The following GRIN2B variants were observed in gnomAD, a reference collection of about 807,000 sequenced individuals.
GRIN2B encodes glutamate ionotropic receptor NMDA type subunit 2B, also known as glutamate receptor ionotropic, NMDA 2B.
Under a neutral mutation model 114.5 loss-of-function variants are expected in GRIN2B, and 5 were observed. The observed-to-expected ratio is 0.04, with a 90% CI of 0.02 to 0.09. The LOEUF is 0.09. Ranked by LOEUF, GRIN2B falls within the 10% of genes least tolerant of loss-of-function variation. The probability of loss-of-function intolerance (pLI) is 1.00; values close to 1 mark genes in which losing one functional copy is unlikely to be tolerated. For synonymous variants in GRIN2B, 787 were observed against 745.1 expected (o/e 1.06, Z -0.92); for missense variants, 1,108 against 1,943.5 (o/e 0.57, Z 8.08).
intron 3 of GRIN2B, among the ~76,000 whole-genome samples, chr12:13,755,517 T>G (rs1863561474): frequency 6.6e-6 from 1 of 152,146 alleles, no homozygotes; most frequent in Non-Finnish European, 1.5e-5. Context: ...AAGATACAGT[T>G]GAAGAGGAGC....
chr12:13,753,566 T>C lies in GRIN2B; in HGVS notation c.761A>G (p.Tyr254Cys), dbSNP rs1349497126. The C allele has an allele frequency of 1.9e-6, 3 of 1,614,070 alleles. No homozygotes were observed. Among genetic ancestry groups the C allele is most frequent in the Non-Finnish European group, 2.5e-6 (3 of 1,180,008 alleles). ...CACCAGACTGGGCACGATCCACGTGTAGCCATAGCCAGTCAGCCCTACTGA... is the reference window on the plus strand; with the variant it reads ...CACCAGACTGGGCACGATCCACGTGCAGCCATAGCCAGTCAGCCCTACTGA... ...ANSVGLTGYG[Y>C]TWIVPSLVAG... Residue 254 changes from tyrosine (Y) to cysteine (C), a missense_variant, in exon 4 of 14, where the codon TAC (tyrosine) becomes TGC (cysteine). Coordinates refer to ENST00000609686, the MANE Select transcript of GRIN2B (RefSeq NM_000834.5). This position sits in a 1 kb window ranked among gnomAD's most constrained non-coding sequence, Gnocchi z 6.2.
chr12:13,825,279 G>C (rs1307236898), intron 3 of GRIN2B, among the ~76,000 whole-genome samples: 1 of 151,598 alleles, frequency 6.6e-6, no homozygotes, highest in Non-Finnish European at 1.5e-5. Flanking sequence ...AACACATTTT[G>C]TATAATTTCA....
intron 3 of GRIN2B, among the ~76,000 whole-genome samples, chr12:13,762,700 T>G (rs1485984406): frequency 6.6e-6 from 1 of 152,198 alleles, no homozygotes. Flanking sequence ...CACATGGGCC[T>G]CTTCAAGGGA....
intron 3 of GRIN2B, among the ~76,000 whole-genome samples, chr12:13,825,496 T>TTTTTTTTTTGTGTGTG (rs375940899): frequency 1.5e-4 from 18 of 122,994 alleles, no homozygotes; most frequent in African/African-American, 5.3e-4. Flanking sequence ...TATATATATT[T>TTTTTTTTTTGTGTGTG]TGTGTGTGTG....
intron 4 of GRIN2B, among the ~76,000 whole-genome samples, chr12:13,711,349 A>G (rs922420464): frequency 6.6e-5 from 10 of 152,188 alleles, no homozygotes; most frequent in Non-Finnish European, 1.5e-4. Flanking sequence ...CACCAAAAGC[A>G]ATGGCAACAA....
rs375758048 is a variant in GRIN2B, at chr12:13,839,795, C to T, written c.411+26003G>A. Among the ~76,000 whole-genome samples, 159 of 152,260 alleles carry T rather than the reference C, an allele frequency of 1.0e-3. 4 individuals are homozygous for T. The South Asian group carries it at 0.027, about 26-fold the overall frequency. On this transcript the variant is annotated intron_variant, in intron 3 of 13. Coordinates refer to ENST00000609686, the MANE Select transcript of GRIN2B (RefSeq NM_000834.5). ...AGAACAATGTGTGTACTAAAGCCATCCAACAGCATCAATTGACTATAAAAA... is the reference window on the plus strand; with the variant it reads ...AGAACAATGTGTGTACTAAAGCCATTCAACAGCATCAATTGACTATAAAAA...
chr12:13,901,884 G>A (rs944313679), intron 2 of GRIN2B, among the ~76,000 whole-genome samples: 2 of 151,784 alleles, frequency 1.3e-5, no homozygotes, highest in African/African-American at 4.8e-5. Flanking sequence ...ATAAATTTTT[G>A]TATATGCTGT....
At chr12:13,884,683 G>A (rs752409516) in intron 2 of GRIN2B, among the ~76,000 whole-genome samples, 4 of 152,000 alleles carry the variant, frequency 2.6e-5, no homozygotes, top group Non-Finnish European at 5.9e-5. Context: ...CCTTATCTTA[G>A]GGGTAGCATA....
At chr12:13,756,800 G>A (rs1863584027) in intron 3 of GRIN2B, among the ~76,000 whole-genome samples, 1 of 152,180 alleles carries the variant, frequency 6.6e-6, no homozygotes, top group East Asian at 1.9e-4. Context: ...AAGCCACGGG[G>A]GTCCATAGTA....
At chr12:13,852,521 C>T (rs960265644) in intron 3 of GRIN2B, among the ~76,000 whole-genome samples, 1 of 151,884 alleles carries the variant, frequency 6.6e-6, no homozygotes, top group South Asian at 2.1e-4. Context: ...GAAAAGGATG[C>T]CTTTTCTTTT....
intron 3 of GRIN2B, among the ~76,000 whole-genome samples, chr12:13,780,785 A>G (rs1268352453): frequency 6.6e-6 from 1 of 151,032 alleles, no homozygotes; most frequent in African/African-American, 2.4e-5. Flanking sequence ...GGAGAAAAAA[A>G]TGGATTCTTT....
rs1046636334 is a variant in GRIN2B at position 13,557,572 on chromosome 12, C to G, written c.*5211G>C. On this transcript the variant is annotated 3_prime_UTR_variant, in exon 14 of 14. Coordinates refer to ENST00000609686, the MANE Select transcript of GRIN2B (RefSeq NM_000834.5). ...AAAGAATCATAGTTCTCAACCTGCC[C>G]TACAAGATACTGAATTTAGAAATTC... 1 of 152,122 alleles carries G rather than the reference C, an allele frequency of 6.6e-6. No homozygotes were observed. Among genetic ancestry groups the G allele is most frequent in the Admixed American group, 6.5e-5 (1 of 15,268 alleles). 9.4% of individuals were successfully genotyped at this position (152,122 alleles called of 1,614,324 possible). A position where few individuals can be genotyped will look rare whatever the true frequency, so the allele number is the denominator to read the frequency against.
chr12:13,701,286 T>G (rs1304633381), intron 4 of GRIN2B, among the ~76,000 whole-genome samples: 3 of 152,106 alleles, frequency 2.0e-5, no homozygotes, highest in Admixed American at 6.5e-5. Flanking sequence ...CCTAACCATA[T>G]CAGGTTGGTT....
In GRIN2B at chr12:13,686,880, T is replaced by A. The variant is rs577074510; in HGVS notation, c.1011-11021A>T. Among the ~76,000 whole-genome samples the A allele has an allele frequency of 1.1e-4, 17 of 152,334 alleles. No homozygotes were observed. In the East Asian group the frequency reaches 3.1e-3, roughly 28 times the overall value. On this transcript the variant is annotated intron_variant, in intron 4 of 13. Coordinates refer to ENST00000609686, the MANE Select transcript of GRIN2B (RefSeq NM_000834.5). ...CCCCAATATTGGAGGTGGAGCCTAATGGAAGCTGTTTGGGTCATGAAAAGA... is the reference window on the plus strand; with the variant it reads ...CCCCAATATTGGAGGTGGAGCCTAAAGGAAGCTGTTTGGGTCATGAAAAGA...
At chr12:13,583,787 A>G (rs1253522186) in intron 10 of GRIN2B, among the ~76,000 whole-genome samples, 1 of 152,074 alleles carries the variant, frequency 6.6e-6, no homozygotes, top group Non-Finnish European at 1.5e-5. Flanking sequence ...TGGCATCTGC[A>G]CTGACGTTGG....
At chr12:13,628,710 A>G (rs949823368) in intron 5 of GRIN2B, among the ~76,000 whole-genome samples, 1 of 152,242 alleles carries the variant, frequency 6.6e-6, no homozygotes, top group Non-Finnish European at 1.5e-5. Flanking sequence ...GTGCCCATAC[A>G]GAAGTATCAG....
At chr12:13,576,410 C>T (rs1404294331) in intron 10 of GRIN2B, among the ~76,000 whole-genome samples, 3 of 152,050 alleles carry the variant, frequency 2.0e-5, no homozygotes, top group East Asian at 3.8e-4. Flanking sequence ...ATTAATAGAA[C>T]AGTGAGGACC....
intron 10 of GRIN2B, among the ~76,000 whole-genome samples, chr12:13,595,365 C>A (rs1949058526): frequency 6.6e-6 from 1 of 152,152 alleles, no homozygotes; most frequent in Admixed American, 6.5e-5. Flanking sequence ...ACATTTGTGA[C>A]CATGCCAGAC....
rs930017859 is a variant in GRIN2B, at chr12:13,546,354, G to A, written c.*16429C>T. On this transcript the variant is annotated 3_prime_UTR_variant, in exon 14 of 14. Coordinates refer to ENST00000609686, the MANE Select transcript of GRIN2B (RefSeq NM_000834.5). The stretch of plus-strand genomic sequence containing the variant: ...AATGTCTGTCTGGAAGAAAGCCTAC[G>A]TCTCTTTCTAAAGCCAGCCTGTCAC... 2.0e-5 allele frequency: 3 copies of A among 152,160 alleles called. No homozygotes were observed. The highest frequency in any genetic ancestry group is 2.9e-5 in the Non-Finnish European group (2 of 68,032). The allele number at this position is 152,160 out of a possible 1,614,324, so 9.4% of individuals were successfully genotyped here.
Sources: allele counts gnomAD v4.1 joint callset (sites outside exome capture counted in the v4.1 genomes callset), GRCh38; gene constraint gnomAD v4.1.1; non-coding constraint Gnocchi (gnomAD v3.1); transcripts MANE v1.5; gene names NCBI Gene and HGNC (gene_info 2026-07-23, HGNC 2026-07-21).